The following AGAP1 variants were observed in gnomAD, a reference collection of about 807,000 sequenced individuals.
AGAP1 encodes arf-GAP with GTPase, ANK repeat and PH domain-containing protein 1.
AGAP1 carries 29 observed loss-of-function variants against 105.3 expected under a neutral mutation model. The observed-to-expected ratio is 0.28, with a 90% CI of 0.21 to 0.38. The LOEUF (loss-of-function observed/expected upper bound fraction) is 0.38, where lower values mean the gene tolerates loss of function less well. Among genes scored for constraint, AGAP1 ranks in the 10% least tolerant of loss-of-function variants. AGAP1 has a pLI of 1.00. For synonymous variants in AGAP1, 509 were observed against 485.9 expected, an observed-to-expected ratio of 1.05 and a Z score of -0.63; for missense variants, 998 against 1,165.1, an observed-to-expected ratio of 0.86 and a Z score of 2.09.
At chr2:235,923,121 A>C (rs992214318) in intron 11 of AGAP1, among the ~76,000 whole-genome samples, 1 of 152,202 alleles carries the variant, frequency 6.6e-6, no homozygotes, top group African/African-American at 2.4e-5. Context: ...ACTCTTTCTG[A>C]GTTCAGAATG....
At position 235,701,712 on chromosome 2, in the gene AGAP1, C is replaced by T. The variant is rs766837937; in HGVS notation, c.164-7467C>T. Reference sequence around the variant, plus strand: ...AAGTCCTACATTTGAAAGTCATCAGCGGATTATGTCTGATCCAGTTTGCAG... The same window carrying T: ...AAGTCCTACATTTGAAAGTCATCAGTGGATTATGTCTGATCCAGTTTGCAG... On this transcript the variant is annotated intron_variant, in intron 1 of 17. Transcript: ENST00000304032. This position sits in a 1 kb window ranked among gnomAD's most constrained non-coding sequence, Gnocchi z 4.1. 6.6e-6 allele frequency among the ~76,000 whole-genome samples: 1 copy of T among 152,148 alleles called. No individual in the cohort carries two copies.
chr2:235,503,648 G>T (rs1941663095), intron 1 of AGAP1, among the ~76,000 whole-genome samples: 1 of 152,118 alleles, frequency 6.6e-6, no homozygotes. Context: ...AGGCTGAAGT[G>T]CAGTGGCACT....
At chr2:236,065,400 G>A (rs941363993) in intron 16 of AGAP1, among the ~76,000 whole-genome samples, 3 of 152,180 alleles carry the variant, frequency 2.0e-5, no homozygotes, top group Non-Finnish European at 2.9e-5. Flanking sequence ...CACTCGCCCC[G>A]TGGGCGGTTT....
In AGAP1 at chr2:235,875,056, C is replaced by T. The variant is rs539675160; in HGVS notation, c.1051-8289C>T. On this transcript the variant is annotated intron_variant, in intron 9 of 17. Transcript: ENST00000304032. This position sits in a 1 kb window ranked among gnomAD's most constrained non-coding sequence, Gnocchi z 4.0. The stretch of plus-strand genomic sequence containing the variant: ...AGTTTTGGGAGAAGAACCCTGGAGG[C>T]CAAAGGCAGTATTCCTGGGGTCCTG... 1.2e-4 allele frequency among the ~76,000 whole-genome samples: 18 copies of T among 152,232 alleles called. No homozygotes were observed. The highest frequency in any genetic ancestry group is 1.8e-4 in the Non-Finnish European group (12 of 68,020).
rs35101565 is a variant in AGAP1, at chr2:235,831,184, T to TAAAAAAA, written c.1050+23865_1050+23871dup. 5.8e-5 allele frequency among the ~76,000 whole-genome samples: 8 copies of TAAAAAAA among 138,106 alleles called. No homozygotes were observed. The East Asian group carries it at 1.3e-3, about 22-fold the overall frequency. 90.6% of individuals were successfully genotyped at this position (138,106 alleles called of 152,430 possible). A position where few individuals can be genotyped will look rare whatever the true frequency, so the allele number is the denominator to read the frequency against. ...TCCAGAGTGCTTCACTCTTCTTCTT[T>TAAAAAAA]AAAAAAAAAAAAAAAAAACAGTAAA... is the stretch of plus-strand genomic sequence containing the variant. On this transcript the variant is annotated intron_variant, in intron 9 of 17. Coordinates refer to ENST00000304032, the MANE Select transcript of AGAP1 (RefSeq NM_001037131.3).
chr2:236,024,029 T>G (rs1188567570), intron 13 of AGAP1, among the ~76,000 whole-genome samples: 5 of 114,088 alleles, frequency 4.4e-5, no homozygotes, highest in East Asian at 2.3e-4. Context: ...TTGTTTTTTT[T>G]TTTTGTTTTT....
chr2:236,000,480 C>G lies in AGAP1; in HGVS notation c.1645+31857C>G, dbSNP rs2056069139. On this transcript the variant is annotated intron_variant, in intron 13 of 17. Transcript: ENST00000304032. This position sits in a 1 kb window ranked among gnomAD's most constrained non-coding sequence, Gnocchi z 4.3. ...GACAGTGGTACTGCGTCCCCCTCCT[C>G]CAGTCCAGTCCCCCACCCTGAGCGT... Among the ~76,000 whole-genome samples, 1 of 152,180 alleles carries G rather than the reference C, an allele frequency of 6.6e-6. No homozygotes were observed. Among genetic ancestry groups the G allele is most frequent in the African/African-American group, 2.4e-5 (1 of 41,448 alleles).
At chr2:235,924,032 G>GC (rs1350784019) in intron 11 of AGAP1, among the ~76,000 whole-genome samples, 2 of 152,150 alleles carry the variant, frequency 1.3e-5, no homozygotes, top group African/African-American at 4.8e-5. Flanking sequence ...TCCAAAGTTT[G>GC]CCGTGGAGAG....
chr2:235,949,180 T>C (rs940259190), intron 12 of AGAP1, among the ~76,000 whole-genome samples: 2 of 152,186 alleles, frequency 1.3e-5, no homozygotes, highest in East Asian at 3.9e-4. Context: ...CCTTCTTTCA[T>C]ACATGCACGT....
intron 6 of AGAP1, among the ~76,000 whole-genome samples, chr2:235,779,414 A>G (rs1956119314): frequency 6.6e-6 from 1 of 152,156 alleles, no homozygotes; most frequent in South Asian, 2.1e-4. Flanking sequence ...TATTGGTTAC[A>G]TTTCATCCCG....
chr2:235,985,827 A>G (rs1292267659), intron 13 of AGAP1, among the ~76,000 whole-genome samples: 2 of 152,156 alleles, frequency 1.3e-5, no homozygotes, highest in Non-Finnish European at 2.9e-5. Flanking sequence ...CCATTGGTCT[A>G]TATGCCTGTT....
rs1961326795 is a variant in AGAP1 at position 235,845,164 on chromosome 2, C to T, written c.1050+37833C>T. Among the ~76,000 whole-genome samples the T allele has an allele frequency of 6.6e-6, 1 of 152,130 alleles. No homozygotes were observed. Among genetic ancestry groups the T allele is most frequent in the East Asian group, 1.9e-4 (1 of 5,180 alleles). On this transcript the variant is annotated intron_variant, in intron 9 of 17. Transcript: ENST00000304032. This position sits in a 1 kb window ranked among gnomAD's most constrained non-coding sequence, Gnocchi z 4.8. ...TGTAGATGGGGCTGAAGCTTAGTCC[C>T]AAGAGCCACACATGTCAAGGAAATC...
intron 12 of AGAP1, among the ~76,000 whole-genome samples, chr2:235,955,711 A>G (rs1316438004): frequency 2.0e-5 from 3 of 152,190 alleles, no homozygotes; most frequent in Non-Finnish European, 4.4e-5. Flanking sequence ...GCTTCTGCAT[A>G]TCAGGTTTTC....
At chr2:235,703,153 C>G (rs1370369148) in intron 1 of AGAP1, among the ~76,000 whole-genome samples, 1 of 151,912 alleles carries the variant, frequency 6.6e-6, no homozygotes, top group Non-Finnish European at 1.5e-5. Context: ...GTCTCAAATT[C>G]CTGACCTCAA....
In AGAP1 at chr2:236,014,764, C is replaced by T. The variant is rs545483481; in HGVS notation, c.1646-21797C>T. On this transcript the variant is annotated intron_variant, in intron 13 of 17. Transcript: ENST00000304032. The surrounding 1 kb of genome is among the most constrained non-coding windows in gnomAD (Gnocchi z 6.3). ...TTTGTTTTCTTTTCCTTTTTGTTTT[C>T]TCTCTTTTTCCCCTCTCCCCTTTCT... The T allele has an allele frequency of 1.7e-4, 67 of 390,260 alleles. No homozygotes were observed. Among genetic ancestry groups the T allele is most frequent in the Non-Finnish European group, 3.0e-4 (57 of 192,930 alleles). 24.2% of individuals were successfully genotyped at this position (390,260 alleles called of 1,614,324 possible). A position where few individuals can be genotyped will look rare whatever the true frequency, so the allele number is the denominator to read the frequency against.
chr2:235,652,577 G>A lies in AGAP1; in HGVS notation c.164-56602G>A, dbSNP rs144136594. Among the ~76,000 whole-genome samples, 917 of 152,296 alleles carry A rather than the reference G, an allele frequency of 6.0e-3. 15 individuals carry two copies. Among genetic ancestry groups the A allele is most frequent in the Admixed American group, 0.039 (593 of 15,292 alleles). ...CTGAACATCAGGGAAGAGAACTCAA[G>A]GGTAGAGTTGAACAGAAACATAAGT... On this transcript the variant is annotated intron_variant, in intron 1 of 17. Coordinates refer to ENST00000304032, the MANE Select transcript of AGAP1 (RefSeq NM_001037131.3).
chr2:236,093,102 C>CA (rs1284094949), intron 16 of AGAP1, among the ~76,000 whole-genome samples: 1 of 152,206 alleles, frequency 6.6e-6, no homozygotes, highest in African/African-American at 2.4e-5. Context: ...AACCAGTAAA[C>CA]AGAGAGGATG....
intron 9 of AGAP1, among the ~76,000 whole-genome samples, chr2:235,880,899 A>G (rs976734464): frequency 6.6e-6 from 1 of 152,174 alleles, no homozygotes; most frequent in Non-Finnish European, 1.5e-5. Flanking sequence ...AATTCCTGCC[A>G]TGCAAGGAAG....
At chr2:236,024,486 C>G (rs1031725717) in intron 13 of AGAP1, among the ~76,000 whole-genome samples, 1 of 152,112 alleles carries the variant, frequency 6.6e-6, no homozygotes, top group African/African-American at 2.4e-5. Flanking sequence ...CCTTCCCTCC[C>G]CTCGCACCCA....
Sources: allele counts gnomAD v4.1 joint callset (sites outside exome capture counted in the v4.1 genomes callset), GRCh38; gene constraint gnomAD v4.1.1; non-coding constraint Gnocchi (gnomAD v3.1); transcripts MANE v1.5; gene names NCBI Gene and HGNC (gene_info 2026-07-23, HGNC 2026-07-21).